The following ZNF569 variants were observed in gnomAD, a reference collection of about 807,000 sequenced individuals.
The protein encoded by ZNF569 is zinc finger protein 569, also known as DNA-binding protein.
Under a neutral mutation model 56.3 loss-of-function variants are expected in ZNF569, and 38 were observed. That is an observed-to-expected ratio of 0.68 (90% CI 0.52 to 0.88). The LOEUF is 0.88. Ranked by LOEUF, ZNF569 falls within the 40% of genes least tolerant of loss-of-function variation. ZNF569 has a pLI of 0.00. For missense variants in ZNF569, 666 were observed against 809.2 expected (o/e 0.82, Z 2.15); for synonymous variants, 241 against 262.9 (o/e 0.92, Z 0.81).
At chr19:37,438,671 C>T (rs2041353150) in intron 3 of ZNF569, among the ~76,000 whole-genome samples, 1 of 152,084 alleles carries the variant, frequency 6.6e-6, no homozygotes, top group African/African-American at 2.4e-5. Context: ...AGAGGAAATT[C>T]TCTAGGATAA....
chr19:37,458,441 T>C (rs1361330050), intron 2 of ZNF569, among the ~76,000 whole-genome samples: 1 of 152,236 alleles, frequency 6.6e-6, no homozygotes, highest in Non-Finnish European at 1.5e-5. Context: ...CTAAAAACTA[T>C]CTCTTGATTG....
At chr19:37,435,496 G>C (rs1471682584) in intron 3 of ZNF569, among the ~76,000 whole-genome samples, 1 of 152,064 alleles carries the variant, frequency 6.6e-6, no homozygotes, top group East Asian at 1.9e-4. Context: ...GAATGTAAAT[G>C]GACTAACATT....
intron 2 of ZNF569, among the ~76,000 whole-genome samples, chr19:37,458,768 T>C (rs1253562958): frequency 6.6e-6 from 1 of 152,182 alleles, no homozygotes. Flanking sequence ...GATTAATATT[T>C]TGAGTGCTCT....
At chr19:37,416,726 A>G (rs1383406920) in intron 5 of ZNF569, among the ~76,000 whole-genome samples, 1 of 152,144 alleles carries the variant, frequency 6.6e-6, no homozygotes, top group Admixed American at 6.5e-5. Context: ...GAAAGCATGG[A>G]TAGAAAGGGC....
At chr19:37,443,928 G>GA (rs1429787627) in intron 3 of ZNF569, among the ~76,000 whole-genome samples, 1 of 152,022 alleles carries the variant, frequency 6.6e-6, no homozygotes, top group Non-Finnish European at 1.5e-5. Context: ...TGAGGCAAGA[G>GA]AATCACTTGA....
intron 5 of ZNF569, among the ~76,000 whole-genome samples, chr19:37,419,155 T>C (rs1435500579): frequency 6.6e-6 from 1 of 152,216 alleles, no homozygotes; most frequent in East Asian, 1.9e-4. Flanking sequence ...AAATTTAAGT[T>C]CCTTATAGAT....
upstream of ZNF569, chr19:37,469,122 C>T (rs1600371041): frequency 1.9e-6 from 2 of 1,077,486 alleles, no homozygotes; most frequent in South Asian, 6.0e-5. Flanking sequence ...GGGCCAGGCT[C>T]GGAGCTGCAG....
At chr19:37,456,536 T>C (rs765713097) in intron 2 of ZNF569, among the ~76,000 whole-genome samples, 7 of 152,194 alleles carry the variant, frequency 4.6e-5, no homozygotes, top group Admixed American at 1.3e-4. Context: ...AGCTCTCCAT[T>C]AAGAAAACTT....
intron 3 of ZNF569, among the ~76,000 whole-genome samples, chr19:37,430,827 TC>T (rs1260310198): frequency 9.2e-5 from 14 of 152,150 alleles, no homozygotes; most frequent in Admixed American, 9.2e-4. Flanking sequence ...ACGCCATCCC[TC>T]CCCTATTCTC....
chr19:37,438,460 T>C (rs1324734936), intron 3 of ZNF569, among the ~76,000 whole-genome samples: 1 of 151,762 alleles, frequency 6.6e-6, no homozygotes, highest in Non-Finnish European at 1.5e-5. Context: ...CAGAAACAAA[T>C]CCATACATCT....
chr19:37,412,817 G>A lies in ZNF569; in HGVS notation c.1841C>T (p.Ala614Val), dbSNP rs777889630. The change falls in exon 6 of 6, where the codon GCC becomes GTC. Residue 614 changes from alanine to valine, a missense_variant. By Grantham distance (64) the Ala-to-Val change is moderately conservative. Transcript: ENST00000316950. ...AGTAAGGGATGAGCTTTGGGAGAAGGCTTTTCCACATTTATTACATTCATA... is the reference window on the plus strand; with the variant it reads ...AGTAAGGGATGAGCTTTGGGAGAAGACTTTTCCACATTTATTACATTCATA... ...KPYECNKCGKAFSQSSSLTIH... is the reference protein window; with the variant it reads ...KPYECNKCGKVFSQSSSLTIH... The A allele has an allele frequency of 6.2e-7, 1 of 1,613,976 alleles. No individual in the cohort carries two copies. The highest frequency in any genetic ancestry group is 1.1e-5 in the South Asian group (1 of 91,078).
intron 2 of ZNF569, among the ~76,000 whole-genome samples, chr19:37,459,080 C>CA (rs1431377207): frequency 6.6e-6 from 1 of 152,092 alleles, no homozygotes; most frequent in African/African-American, 2.4e-5. Flanking sequence ...ATCTATTAAA[C>CA]AGACATCTAT....
In ZNF569 at chr19:37,413,987, C is replaced by T. The variant is rs2040885191; in HGVS notation, c.671G>A (p.Ser224Asn). Residue 224 changes from serine to asparagine, a missense_variant, in exon 6 of 6, where the codon AGT becomes AAT. Coordinates refer to ENST00000316950, the MANE Select transcript of ZNF569 (RefSeq NM_152484.3). ...ATGTTTAATAAGTTTTTCCTTGTGACTGAAGGCTTTTCTACAGTTACTACA... is the reference window on the plus strand; with the variant it reads ...ATGTTTAATAAGTTTTTCCTTGTGATTGAAGGCTTTTCTACAGTTACTACA... ...YECSNCRKAF[S>N]HKEKLIKHYK... is the part of the protein sequence containing the mutation. 1 of 1,613,624 alleles carries T rather than the reference C, an allele frequency of 6.2e-7. No individual in the cohort carries two copies. The highest frequency in any genetic ancestry group is 2.2e-5 in the East Asian group (1 of 44,858).
At chr19:37,444,096 C>G (rs1401424803) in intron 3 of ZNF569, among the ~76,000 whole-genome samples, 1 of 152,052 alleles carries the variant, frequency 6.6e-6, no homozygotes, top group Non-Finnish European at 1.5e-5. Flanking sequence ...ATGGACTAGT[C>G]TTAAGCATAA....
At chr19:37,418,662 G>T (rs1270186591) in intron 5 of ZNF569, among the ~76,000 whole-genome samples, 1 of 152,098 alleles carries the variant, frequency 6.6e-6, no homozygotes, top group South Asian at 2.1e-4. Flanking sequence ...ATGAACAGGG[G>T]CCCTAAAAAA....
chr19:37,436,085 A>T (rs1374170663), intron 3 of ZNF569, among the ~76,000 whole-genome samples: 1 of 152,174 alleles, frequency 6.6e-6, no homozygotes, highest in African/African-American at 2.4e-5. Context: ...AGCATAGACC[A>T]TGTTAGGCCA....
chr19:37,459,481 T>G (rs2041724750), intron 2 of ZNF569, among the ~76,000 whole-genome samples: 1 of 152,144 alleles, frequency 6.6e-6, no homozygotes, highest in Non-Finnish European at 1.5e-5. Context: ...AAATTATCCT[T>G]CAAAGTTGAA....
intron 3 of ZNF569, among the ~76,000 whole-genome samples, chr19:37,427,308 C>T (rs1199081021): frequency 6.6e-6 from 1 of 151,562 alleles, no homozygotes; most frequent in African/African-American, 2.4e-5. Flanking sequence ...CAGAGCAAGG[C>T]CCTGTCTCAA....
chr19:37,461,877 TG>T (rs2041762494), intron 2 of ZNF569, among the ~76,000 whole-genome samples: 1 of 152,172 alleles, frequency 6.6e-6, no homozygotes, highest in Admixed American at 6.5e-5. Flanking sequence ...CCCCCTAGCC[TG>T]TCTGGCTGCA....
Sources: gnomAD v4.1 joint callset for allele counts (sites outside exome capture counted in the v4.1 genomes callset) on GRCh38, gnomAD v4.1.1 for gene constraint, MANE v1.5 for transcripts, NCBI Gene and HGNC (gene_info 2026-07-23, HGNC 2026-07-21) for gene names.